Variants in DRC8 observed in about 807,000 individuals in gnomAD.
DRC8 encodes the protein dynein regulatory complex protein 8.
the DRC8 span, chr1:245,122,192 C>T: frequency 2.7e-5 from 6 of 219,796 alleles, no homozygotes; most frequent in African/African-American, 7.2e-5. Flanking sequence ...CATGAGCCAC[C>T]GCACCCGGCT....
the DRC8 span, among the ~76,000 whole-genome samples, chr1:245,090,291 G>C: frequency 1.3e-5 from 2 of 152,342 alleles, no homozygotes; most frequent in South Asian, 4.1e-4. Context: ...AGGGCAAGTG[G>C]CTGGTGTTGG....
chr1:244,980,067 A>AAAAAAAAAAAAAAAAAAC, the DRC8 span, among the ~76,000 whole-genome samples: 1 of 143,786 alleles, frequency 7.0e-6, no homozygotes, highest in Non-Finnish European at 1.5e-5. Context: ...AAAAAAAAAA[A>AAAAAAAAAAAAAAAAAAC]AATTAGCTGG....
chr1:245,028,515 A>G, the DRC8 span, among the ~76,000 whole-genome samples: 1 of 152,042 alleles, frequency 6.6e-6, no homozygotes, highest in Non-Finnish European at 1.5e-5. Context: ...GGGAGAAGAG[A>G]TATGTCAATC....
chr1:244,996,633 A>T, the DRC8 span, among the ~76,000 whole-genome samples: 1 of 152,224 alleles, frequency 6.6e-6, no homozygotes, highest in Non-Finnish European at 1.5e-5. Context: ...GTTTAAAGAG[A>T]TCAAGTAACT....
the DRC8 span, among the ~76,000 whole-genome samples, chr1:244,986,721 G>A: frequency 1.3e-5 from 2 of 150,378 alleles, no homozygotes; most frequent in African/African-American, 4.9e-5. Context: ...CTCCAGCCTG[G>A]GTAACATAGT....
chr1:245,090,826 T>C, the DRC8 span, among the ~76,000 whole-genome samples: 2 of 152,134 alleles, frequency 1.3e-5, no homozygotes, highest in African/African-American at 4.8e-5. Context: ...AGTGTAATTA[T>C]TAATAGGTCT....
chr1:244,971,611 G>A, the DRC8 span, among the ~76,000 whole-genome samples: 2 of 152,148 alleles, frequency 1.3e-5, no homozygotes. Context: ...AATAATATTC[G>A]TCCTTTGTTT....
the DRC8 span, among the ~76,000 whole-genome samples, chr1:245,112,591 C>T: frequency 6.6e-6 from 1 of 152,142 alleles, no homozygotes; most frequent in African/African-American, 2.4e-5. Context: ...ATATACATAA[C>T]ATCAAGTTTA....
chr1:245,117,433 T>C, the DRC8 span, among the ~76,000 whole-genome samples: 2 of 151,998 alleles, frequency 1.3e-5, no homozygotes, highest in Non-Finnish European at 2.9e-5. Context: ...ATTTTATTTA[T>C]TTATTTTTGA....
At chr1:245,116,145 C>G in the DRC8 span, among the ~76,000 whole-genome samples, 1 of 151,954 alleles carries the variant, frequency 6.6e-6, no homozygotes. Flanking sequence ...GCCTCAGTCT[C>G]TCAAAGTGCT....
the DRC8 span, among the ~76,000 whole-genome samples, chr1:245,094,581 A>C: frequency 6.6e-6 from 1 of 152,320 alleles, no homozygotes. Flanking sequence ...AATGAGATTT[A>C]ACTCTAACAC....
At chr1:245,021,593 G>A in the DRC8 span, among the ~76,000 whole-genome samples, 371 of 152,022 alleles carry the variant, frequency 2.4e-3, 3 homozygotes, top group African/African-American at 8.5e-3. Flanking sequence ...CCACCACCAC[G>A]CCCATCTAAT....
the DRC8 span, among the ~76,000 whole-genome samples, chr1:245,009,582 C>T: frequency 6.6e-6 from 1 of 151,528 alleles, no homozygotes; most frequent in Non-Finnish European, 1.5e-5. Context: ...ATTCTCCTGC[C>T]TCAGCCTCCC....
the DRC8 span, among the ~76,000 whole-genome samples, chr1:245,081,145 T>TTA: frequency 2.7e-5 from 4 of 149,666 alleles, no homozygotes; most frequent in Non-Finnish European, 5.9e-5. Flanking sequence ...TATTTATTTT[T>TTA]TATTTTTTTA....
At chr1:245,105,075 C>A in the DRC8 span, among the ~76,000 whole-genome samples, 1 of 152,192 alleles carries the variant, frequency 6.6e-6, no homozygotes, top group African/African-American at 2.4e-5. Context: ...CTGTATTTCC[C>A]GTAGACCAAT....
chr1:244,980,362 A>G, the DRC8 span, among the ~76,000 whole-genome samples: 1 of 152,232 alleles, frequency 6.6e-6, no homozygotes, highest in Admixed American at 6.5e-5. Flanking sequence ...TGTCTAAAAA[A>G]TAAAAATGAA....
chr1:245,069,223 ACAAT>A, the DRC8 span, among the ~76,000 whole-genome samples: 1 of 152,214 alleles, frequency 6.6e-6, no homozygotes, highest in African/African-American at 2.4e-5. Flanking sequence ...AATAACATAC[ACAAT>A]CAATTAACAA....
chr1:245,031,074 G>A, the DRC8 span, among the ~76,000 whole-genome samples: 2 of 152,150 alleles, frequency 1.3e-5, no homozygotes, highest in African/African-American at 4.8e-5. Flanking sequence ...AGACCTTACT[G>A]CTCATCTGAT....
At chr1:244,980,744 CAT>C in the DRC8 span, among the ~76,000 whole-genome samples, 25 of 152,204 alleles carry the variant, frequency 1.6e-4, 1 homozygote, top group Non-Finnish European at 3.5e-4. Flanking sequence ...TGAGATATAA[CAT>C]AGGCAGCACT....
Sources: gnomAD v4.1 joint callset for allele counts (sites outside exome capture counted in the v4.1 genomes callset) on GRCh38, gnomAD v4.1.1 for gene constraint, MANE v1.5 for transcripts, NCBI Gene and HGNC (gene_info 2026-07-23, HGNC 2026-07-21) for gene names.